Variants in APPL1 observed in about 807,000 individuals in gnomAD.
The protein encoded by APPL1 is DCC-interacting protein 13-alpha.
A neutral mutation model predicts 106.8 loss-of-function variants in APPL1; 42 were observed. The ratio of observed to expected loss-of-function variants is 0.39; its 90% CI spans 0.31 to 0.51. The LOEUF (loss-of-function observed/expected upper bound fraction) is 0.51. APPL1 is among the 20% of genes least tolerant of loss of function. APPL1 has a pLI of 0.75. For missense variants in APPL1, 769 were observed against 858.2 expected, an observed-to-expected ratio of 0.90 and a Z score of 1.30; for synonymous variants, 263 against 281.8, an observed-to-expected ratio of 0.93 and a Z score of 0.67.
chr3:57,233,702 G>GTCCTT (rs1433149335), intron 1 of APPL1, among the ~76,000 whole-genome samples: 11 of 152,074 alleles, frequency 7.2e-5, no homozygotes, highest in Admixed American at 7.2e-4. Flanking sequence ...ATGATTTTGT[G>GTCCTT]TCCTTTCCCC....
rs755190275 is a variant in APPL1, at chr3:57,253,751, T to C, written c.1152+13T>C. 1 of 1,412,682 alleles carries C rather than the reference T, an allele frequency of 7.1e-7. No individual in the cohort carries two copies. The highest frequency in any genetic ancestry group is 2.9e-5 in the East Asian group (1 of 34,826). 87.5% of individuals were successfully genotyped at this position (1,412,682 alleles called of 1,614,324 possible). A position where few individuals can be genotyped will look rare whatever the true frequency, so the allele number is the denominator to read the frequency against. On this transcript the variant is annotated intron_variant, in intron 13 of 21. Transcript: ENST00000288266. ...TGAAAATCCAGAGGTAATATTTTTA[T>C]TTTATGTTACCCAGATCTAGCAAAA...
chr3:57,269,462 C>T (rs2060919565), intron 21 of APPL1, 79 bp from the exon 22 acceptor site: 6 of 1,451,882 alleles, frequency 4.1e-6, no homozygotes, highest in Non-Finnish European at 5.6e-6. Flanking sequence ...AAGTGGCTCT[C>T]AAGAATGTAT....
At chr3:57,268,255 C>T in intron 20 of APPL1, 143 bp from the exon 21 acceptor site, 1 of 786,408 alleles carries the variant, frequency 1.3e-6, no homozygotes, top group East Asian at 2.6e-5. Flanking sequence ...AATTGTTTAC[C>T]ATTGAATATA....
chr3:57,255,589 C>T (rs1457852227), intron 13 of APPL1, among the ~76,000 whole-genome samples: 1 of 152,084 alleles, frequency 6.6e-6, no homozygotes, highest in Non-Finnish European at 1.5e-5. Flanking sequence ...TCATGACCTC[C>T]AAAATACTCG....
At chr3:57,268,104 A>G (rs2060907549) in intron 20 of APPL1, 3 of 459,478 alleles carry the variant, frequency 6.5e-6, no homozygotes, top group East Asian at 7.5e-5. Context: ...AAAAAAAAAA[A>G]GGAATCCAAG....
Position 57,242,840 on chromosome 3 carries a change from C to T in APPL1, c.416-16C>T. On this transcript the variant is annotated splice_polypyrimidine_tract_variant and intron_variant, in intron 6 of 21. Coordinates refer to ENST00000288266, the MANE Select transcript of APPL1 (RefSeq NM_012096.3). ...AAAGTACTGTTGTATTGTTAACACT[C>T]ATTTCTTTTTTCCAGATCATGATGC... 1 of 1,595,586 alleles carries T rather than the reference C, an allele frequency of 6.3e-7. No individual in the cohort carries two copies.
chr3:57,240,702 A>C, intron 5 of APPL1, 150 bp downstream of exon 5: 1 of 642,926 alleles, frequency 1.6e-6, no homozygotes, highest in East Asian at 2.8e-5. Context: ...AGCTCCTGCT[A>C]GATGTCAAAC....
At chr3:57,235,909 A>T (rs1029651375) in intron 2 of APPL1, among the ~76,000 whole-genome samples, 2 of 152,178 alleles carry the variant, frequency 1.3e-5, no homozygotes, top group Non-Finnish European at 2.9e-5. Context: ...CTCCCCAAAC[A>T]TAGTTTGGGG....
chr3:57,248,157 G>C, intron 9 of APPL1, 36 bp from the exon 10 acceptor site: 1 of 1,577,974 alleles, frequency 6.3e-7, no homozygotes. Context: ...TTCTTTATTG[G>C]TTGTGATTTG....
At chr3:57,242,969 T>C (rs933094245) in intron 7 of APPL1, 55 bp downstream of exon 7, 39 of 1,319,638 alleles carry the variant, frequency 3.0e-5, no homozygotes, top group Non-Finnish European at 4.1e-5. Flanking sequence ...TTAGGTGGTT[T>C]AGTTTTTCCT....
chr3:57,260,700 A>C lies in APPL1; in HGVS notation c.1768A>C (p.Thr590Pro). The C allele has an allele frequency of 1.9e-6, 3 of 1,613,026 alleles. No individual in the cohort carries two copies. Reference protein sequence around the residue: ...NKRLFGFVLRTSSGRSESNLS... With the variant: ...NKRLFGFVLRPSSGRSESNLS... ...GCGCCTTTTTGGATTTGTTCTTCGG[A>C]CATCAAGCGGGAGAAGTGAAAGTAA... Residue 590 changes from threonine to proline, a missense_variant, in exon 19 of 22, where the codon ACA becomes CCA. Coordinates refer to ENST00000288266, the MANE Select transcript of APPL1 (RefSeq NM_012096.3).
intron 19 of APPL1, 59 bp from the exon 20 acceptor site, chr3:57,267,683 T>G (rs2060902126): frequency 2.1e-6 from 3 of 1,438,522 alleles, no homozygotes; most frequent in Non-Finnish European, 2.9e-6. Flanking sequence ...TTTGGATACT[T>G]GACATTTTTG....
chr3:57,229,725 T>C (rs1480731813), intron 1 of APPL1, among the ~76,000 whole-genome samples: 2 of 146,502 alleles, frequency 1.4e-5, no homozygotes, highest in Non-Finnish European at 3.0e-5. Context: ...TTTTTTTTTT[T>C]TTCCTGAGAC....
chr3:57,229,464 TAAG>T (rs1052348312), intron 1 of APPL1, among the ~76,000 whole-genome samples: 2 of 152,208 alleles, frequency 1.3e-5, no homozygotes, highest in South Asian at 2.1e-4. Flanking sequence ...GTTTACAACT[TAAG>T]AATTGTGGTT....
chr3:57,253,176 A>T lies in APPL1; in HGVS notation c.1096-506A>T, dbSNP rs1194186380. On this transcript the variant is annotated intron_variant, in intron 12 of 21. Transcript: ENST00000288266. ...ATTGTTTTCTATGCTAATTATTTATAAACTTGACAGAAGGGAGGCATGTAA... is the reference window on the plus strand; with the variant it reads ...ATTGTTTTCTATGCTAATTATTTATTAACTTGACAGAAGGGAGGCATGTAA... Among the ~76,000 whole-genome samples the T allele has an allele frequency of 2.6e-5, 4 of 152,306 alleles. 1 individual carries two copies. The highest frequency in any genetic ancestry group is 1.3e-4 in the Admixed American group (2 of 15,292).
At chr3:57,243,747 A>G (rs1327048100) in intron 7 of APPL1, among the ~76,000 whole-genome samples, 3 of 152,246 alleles carry the variant, frequency 2.0e-5, no homozygotes, top group African/African-American at 4.8e-5. Flanking sequence ...TGAGATCTCT[A>G]TTAGTCACTT....
chr3:57,230,779 GT>G (rs571053927), intron 1 of APPL1: 497 of 403,312 alleles, frequency 1.2e-3, no homozygotes, highest in Admixed American at 3.1e-3. Flanking sequence ...TAAGTTTTTT[GT>G]TTTTTTTTTG....
At chr3:57,265,662 TTTTTCTAAATA>T (rs1309146080) in intron 19 of APPL1, among the ~76,000 whole-genome samples, 1 of 151,942 alleles carries the variant, frequency 6.6e-6, no homozygotes, top group Non-Finnish European at 1.5e-5. Context: ...GGAGTCTAGG[TTTTTCTAAATA>T]TAAGATCATC....
At chr3:57,234,906 C>T (rs538038554) in intron 1 of APPL1, among the ~76,000 whole-genome samples, 1 of 152,262 alleles carries the variant, frequency 6.6e-6, no homozygotes, top group Admixed American at 6.5e-5. Flanking sequence ...CTGCCTGCCT[C>T]GGCCTCCCAA....
Sources: gnomAD v4.1 joint callset for allele counts (sites outside exome capture counted in the v4.1 genomes callset) on GRCh38, gnomAD v4.1.1 for gene constraint, MANE v1.5 for transcripts, NCBI Gene and HGNC (gene_info 2026-07-23, HGNC 2026-07-21) for gene names.